Variants in HEPACAM2 observed in about 807,000 individuals in gnomAD.
HEPACAM2 encodes HEPACAM family member 2.
A neutral mutation model predicts 49.6 loss-of-function variants in HEPACAM2; 49 were observed. The ratio of observed to expected loss-of-function variants is 0.99; its 90% CI spans 0.78 to 1.25. HEPACAM2 has a LOEUF of 1.25. Ranked by LOEUF, HEPACAM2 falls within the 50% of genes most tolerant of loss-of-function variation. The pLI, the probability that HEPACAM2 is intolerant of heterozygous loss-of-function variation, is 0.00. For synonymous variants in HEPACAM2, 197 were observed against 202.9 expected (o/e 0.97, Z 0.25); for missense variants, 525 against 557.2 (o/e 0.94, Z 0.58).
intron 8 of HEPACAM2, among the ~76,000 whole-genome samples, chr7:93,194,709 T>C (rs1793641981): frequency 6.6e-6 from 1 of 152,014 alleles, no homozygotes; most frequent in Non-Finnish European, 1.5e-5. Flanking sequence ...GATTCCCTAA[T>C]GGCAAATAGT....
intron 9 of HEPACAM2, among the ~76,000 whole-genome samples, chr7:93,189,623 G>T (rs553909758): frequency 1.3e-5 from 2 of 151,990 alleles, no homozygotes; most frequent in East Asian, 3.9e-4. Context: ...TAATTGGGCT[G>T]AGTACTAGAA....
At chr7:93,212,411 C>T (rs73415326) in intron 3 of HEPACAM2, among the ~76,000 whole-genome samples, 5,243 of 152,064 alleles carry the variant, frequency 0.034, 210 homozygotes, top group African/African-American at 0.097. Flanking sequence ...ACACCTCTTC[C>T]GACTCTTGGA....
chr7:93,190,111 C>T (rs73218048), intron 9 of HEPACAM2, among the ~76,000 whole-genome samples: 3,773 of 151,910 alleles, frequency 0.025, 78 homozygotes, highest in Non-Finnish European at 0.038. Context: ...CTTGCTCTAG[C>T]GCATAGTAAA....
chr7:93,196,765 T>A (rs1229764349), intron 7 of HEPACAM2, among the ~76,000 whole-genome samples: 3 of 152,170 alleles, frequency 2.0e-5, no homozygotes, highest in Non-Finnish European at 4.4e-5. Flanking sequence ...TCAATATTGA[T>A]GATAATGAGG....
In HEPACAM2 at chr7:93,195,828, C is replaced by A. The variant is rs757475001; in HGVS notation, c.1275G>T (p.Arg425Ser). Residue 425 changes from arginine (R) to serine (S), a missense_variant and splice_region_variant, in exon 8 of 10, where the codon AGG (arginine) becomes AGT (serine). Coordinates refer to ENST00000394468, the MANE Select transcript of HEPACAM2 (RefSeq NM_001039372.4). ...TTAATCAGCCACTAGGAAAACCAAC[C>A]CTGGAAACACCAGAAACATCTGGAA... ...VAFPDVSGVS[R>S]IPSRSVPASD... is the part of the protein sequence containing the mutation. The A allele has an allele frequency of 8.7e-6, 14 of 1,611,924 alleles. No homozygotes were observed. The highest frequency in any genetic ancestry group is 2.7e-5 in the African/African-American group (2 of 74,798).
At chr7:93,190,879 C>T (rs777249218) in intron 9 of HEPACAM2, among the ~76,000 whole-genome samples, 7 of 151,474 alleles carry the variant, frequency 4.6e-5, no homozygotes, top group East Asian at 3.9e-4. Context: ...AAATTTATTT[C>T]GTTCTTAATA....
intron 1 of HEPACAM2, 154 bp from the exon 2 acceptor site, chr7:93,219,605 T>A (rs1348658415): frequency 1.5e-6 from 2 of 1,365,160 alleles, no homozygotes; most frequent in Non-Finnish European, 1.9e-6. Flanking sequence ...CATATAGAGG[T>A]AAATATTTGT....
At chr7:93,194,410 G>A (rs748479138) in intron 8 of HEPACAM2, among the ~76,000 whole-genome samples, 3 of 152,042 alleles carry the variant, frequency 2.0e-5, no homozygotes, top group East Asian at 1.9e-4. Flanking sequence ...TTCTACCATC[G>A]TGAGAAGCTG....
Position 93,189,047 on chromosome 7 carries a change from C to T in HEPACAM2, c.*220G>A, listed in dbSNP as rs1299028669. 3 of 495,700 alleles carry T rather than the reference C, an allele frequency of 6.1e-6. No individual in the cohort carries two copies. The highest frequency in any genetic ancestry group is 1.1e-5 in the Non-Finnish European group (3 of 280,530). The allele number at this position is 495,700 out of a possible 1,614,324, so 30.7% of individuals were successfully genotyped here. ...AACGACTCTCCACTGAGGAATATTT[C>T]CCCAACATGTTTTTCTGTTGCACAA... On this transcript the variant is annotated 3_prime_UTR_variant, in exon 10 of 10. Coordinates refer to ENST00000394468, the MANE Select transcript of HEPACAM2 (RefSeq NM_001039372.4).
Position 93,191,872 on chromosome 7 carries a change from A to G in HEPACAM2, c.1385+382T>C, listed in dbSNP as rs1353614336. Among the ~76,000 whole-genome samples, 5 of 152,082 alleles carry G rather than the reference A, an allele frequency of 3.3e-5. No individual in the cohort carries two copies. In the South Asian group the frequency reaches 1.0e-3, roughly 31 times the overall value. ...CTGGTCCTATTTTTAGTGACAAATCATCCATAAAACTTCCATAGCCACTGG... is the reference window on the plus strand; with the variant it reads ...CTGGTCCTATTTTTAGTGACAAATCGTCCATAAAACTTCCATAGCCACTGG... On this transcript the variant is annotated intron_variant, in intron 9 of 9. Transcript: ENST00000394468.
chr7:93,220,083 G>A (rs1025386090), intron 1 of HEPACAM2, among the ~76,000 whole-genome samples: 5 of 152,172 alleles, frequency 3.3e-5, no homozygotes, highest in African/African-American at 1.2e-4. Flanking sequence ...GGAGGAGGAG[G>A]AGCATGATAA....
intron 1 of HEPACAM2, among the ~76,000 whole-genome samples, chr7:93,225,584 T>C (rs1794523708): frequency 6.6e-6 from 1 of 152,154 alleles, no homozygotes. Flanking sequence ...CTCCTATCTG[T>C]TGAATATAAA....
At chr7:93,192,466 G>T in intron 8 of HEPACAM2, 103 bp from the exon 9 acceptor site, 1 of 793,042 alleles carries the variant, frequency 1.3e-6, no homozygotes, top group Non-Finnish European at 2.1e-6. Flanking sequence ...GATGATTAGA[G>T]AATTAGAACT....
Position 93,188,833 on chromosome 7 carries a change from A to G in HEPACAM2, c.*434T>C, listed in dbSNP as rs1303700451. 2.6e-6 allele frequency: 1 copy of G among 391,910 alleles called. No homozygotes were observed. The highest frequency in any genetic ancestry group is 2.1e-5 in the African/African-American group (1 of 48,382). 24.3% of individuals were successfully genotyped at this position (391,910 alleles called of 1,614,324 possible). A position where few individuals can be genotyped will look rare whatever the true frequency, so the allele number is the denominator to read the frequency against. On this transcript the variant is annotated 3_prime_UTR_variant, in exon 10 of 10. Coordinates refer to ENST00000394468, the MANE Select transcript of HEPACAM2 (RefSeq NM_001039372.4). ...ATTTAGCATTCTTAACACTAATAAAAATTTAATAAAACAAAGTCTGCTGAA... is the reference window on the plus strand; with the variant it reads ...ATTTAGCATTCTTAACACTAATAAAGATTTAATAAAACAAAGTCTGCTGAA...
At chr7:93,227,217 T>G (rs10233672), upstream of HEPACAM2, among the ~76,000 whole-genome samples, 277 of 152,330 alleles carry the variant, frequency 1.8e-3, no homozygotes, top group African/African-American at 6.5e-3. Context: ...TCTACTGCAG[T>G]GTCCAGGTTA....
At chr7:93,197,737 C>G (rs376182170) in intron 4 of HEPACAM2, 127 bp from the exon 5 acceptor site, 263 of 626,922 alleles carry the variant, frequency 4.2e-4, no homozygotes, top group South Asian at 3.1e-3. Context: ...TAGAGACACA[C>G]AGAGAGAGAG....
chr7:93,218,914 T>C (rs1286186495), intron 2 of HEPACAM2, among the ~76,000 whole-genome samples, 187 bp downstream of exon 2: 1 of 152,224 alleles, frequency 6.6e-6, no homozygotes, highest in African/African-American at 2.4e-5. Flanking sequence ...GCATGTCTTA[T>C]TTAATCTTCA....
At chr7:93,195,926 T>C in intron 7 of HEPACAM2, 25 bp from the exon 8 acceptor site, 1 of 1,542,104 alleles carries the variant, frequency 6.5e-7, no homozygotes, top group Non-Finnish European at 8.9e-7. Flanking sequence ...AAATACTGCT[T>C]ACAAACCGAA....
At chr7:93,228,918 A>G (rs1385984801), upstream of HEPACAM2, among the ~76,000 whole-genome samples, 2 of 151,512 alleles carry the variant, frequency 1.3e-5, no homozygotes, top group Admixed American at 6.6e-5. Flanking sequence ...GGGGGCAGGG[A>G]TTTTTATTAC....
Sources: allele counts gnomAD v4.1 joint callset (sites outside exome capture counted in the v4.1 genomes callset), GRCh38; gene constraint gnomAD v4.1.1; transcripts MANE v1.5; gene names NCBI Gene and HGNC (gene_info 2026-07-23, HGNC 2026-07-21).